TRIM65: variants seen among roughly 807,000 people sequenced by gnomAD.
The protein encoded by TRIM65 is tripartite motif containing 65, also known as E3 ubiquitin-protein ligase TRIM65.
Under a neutral mutation model 36.1 loss-of-function variants are expected in TRIM65, and 46 were observed. The observed-to-expected ratio is 1.27, with a 90% CI of 1.01 to 1.63. The LOEUF is 1.63. TRIM65 is among the 40% of genes most tolerant of loss of function. TRIM65 has a pLI of 0.00. For synonymous variants in TRIM65, 346 were observed against 313.6 expected, an observed-to-expected ratio of 1.10 and a Z score of -1.09; for missense variants, 708 against 696.6, an observed-to-expected ratio of 1.02 and a Z score of -0.18.
At chr17:75,882,114 C>T (rs1228333821) in intron 4 of TRIM65, among the ~76,000 whole-genome samples, 1 of 150,446 alleles carries the variant, frequency 6.6e-6, no homozygotes, top group East Asian at 1.9e-4. Flanking sequence ...CTCTGCTCCC[C>T]ACCCACAGCC....
At chr17:75,881,521 C>G (rs2065169601) in intron 4 of TRIM65, among the ~76,000 whole-genome samples, 1 of 150,558 alleles carries the variant, frequency 6.6e-6, no homozygotes, top group Admixed American at 6.6e-5. Context: ...CTCACATGGC[C>G]AAGAGACAGC....
Sources: allele counts gnomAD v4.1 joint callset (sites outside exome capture counted in the v4.1 genomes callset), GRCh38; gene constraint gnomAD v4.1.1; transcripts MANE v1.5; gene names NCBI Gene and HGNC (gene_info 2026-07-23, HGNC 2026-07-21).